Variants in MDGA2 observed in about 807,000 individuals in gnomAD.
The protein encoded by MDGA2 is MAM domain containing glycosylphosphatidylinositol anchor 2.
In MDGA2, 40 loss-of-function variants were observed where a neutral mutation model predicts 117.8. That is an observed-to-expected ratio of 0.34 (90% CI 0.26 to 0.44). The LOEUF (loss-of-function observed/expected upper bound fraction) is 0.44, where lower values mean the gene tolerates loss of function less well. Ranked by LOEUF, MDGA2 falls within the 20% of genes least tolerant of loss-of-function variation. The probability of loss-of-function intolerance (pLI) is 1.00; values close to 1 mark genes in which losing one functional copy is unlikely to be tolerated. For missense variants in MDGA2, 1,123 were observed against 1,250.6 expected, an observed-to-expected ratio of 0.90 and a Z score of 1.54; for synonymous variants, 452 against 439.0, an observed-to-expected ratio of 1.03 and a Z score of -0.37.
At chr14:47,094,922 A>C (rs1454235477) in intron 6 of MDGA2, among the ~76,000 whole-genome samples, 2 of 152,048 alleles carry the variant, frequency 1.3e-5, no homozygotes, top group Non-Finnish European at 2.9e-5. Flanking sequence ...AATGAGCCCC[A>C]TTTCTCAATA....
intron 2 of MDGA2, among the ~76,000 whole-genome samples, chr14:47,218,939 C>T (rs1396617487): frequency 2.0e-5 from 3 of 152,038 alleles, no homozygotes; most frequent in Non-Finnish European, 4.4e-5. Context: ...CAACAGACTT[C>T]GTTTTTGCTG....
chr14:47,504,918 G>T (rs536705373), intron 1 of MDGA2, among the ~76,000 whole-genome samples: 1 of 152,190 alleles, frequency 6.6e-6, no homozygotes, highest in South Asian at 2.1e-4. Context: ...AGTATTATTT[G>T]TAATAGCCAA....
intron 1 of MDGA2, among the ~76,000 whole-genome samples, chr14:47,561,158 G>GTTTTTTTTTTTTTTTTTTTTTT (rs200625450): frequency 1.8e-5 from 1 of 55,072 alleles, no homozygotes. Context: ...TTTTTGTTTT[G>GTTTTTTTTTTTTTTTTTTTTTT]TTTTGTTTTT....
chr14:47,368,841 G>A (rs1891285956), intron 1 of MDGA2, among the ~76,000 whole-genome samples: 1 of 152,020 alleles, frequency 6.6e-6, no homozygotes, highest in Admixed American at 6.6e-5. Flanking sequence ...CTTGCTTTCT[G>A]ACTTTAAAAA....
chr14:47,491,686 T>C (rs903920032), intron 1 of MDGA2, among the ~76,000 whole-genome samples: 20 of 152,218 alleles, frequency 1.3e-4, no homozygotes, highest in Middle Eastern at 3.4e-3. Context: ...AATAATTATC[T>C]TTTTTTCTCC....
chr14:47,025,134 G>A (rs1172148726), intron 8 of MDGA2, among the ~76,000 whole-genome samples: 4 of 152,114 alleles, frequency 2.6e-5, no homozygotes, highest in Admixed American at 2.6e-4. Context: ...AAGAGTAAAA[G>A]AATTGCTAAG....
In MDGA2 at chr14:47,638,803, C is replaced by T. The variant is rs78005879; in HGVS notation, c.280+35714G>A. On this transcript the variant is annotated intron_variant, in intron 1 of 16. Coordinates refer to ENST00000399232, the MANE Select transcript of MDGA2 (RefSeq NM_001113498.3). ...ATGCACCAAAGCGATCCCTTTAAAA[C>T]CTGTGATAGATTATTTCACATCACC... Among the ~76,000 whole-genome samples, 275 of 152,282 alleles carry T rather than the reference C, an allele frequency of 1.8e-3. 1 individual carries two copies. Among genetic ancestry groups the T allele is most frequent in the African/African-American group, 6.3e-3 (260 of 41,574 alleles).
chr14:47,549,343 A>ATC (rs3039661), intron 1 of MDGA2, among the ~76,000 whole-genome samples: 34,277 of 140,128 alleles, frequency 0.24, 4,446 homozygotes, highest in South Asian at 0.44. Context: ...CACCAGTATT[A>ATC]TCTCTCTCTC....
intron 2 of MDGA2, among the ~76,000 whole-genome samples, chr14:47,298,643 T>C (rs1889159102): frequency 6.6e-6 from 1 of 151,754 alleles, no homozygotes; most frequent in Non-Finnish European, 1.5e-5. Context: ...CAGCTTTCCT[T>C]ATACAGTTTG....
intron 1 of MDGA2, among the ~76,000 whole-genome samples, chr14:47,369,307 T>A (rs542827130): frequency 6.6e-6 from 1 of 152,226 alleles, no homozygotes; most frequent in African/African-American, 2.4e-5. Flanking sequence ...TTTTTAGAAC[T>A]TTAGGAACAA....
At chr14:47,484,979 T>C (rs553194763) in intron 1 of MDGA2, among the ~76,000 whole-genome samples, 1 of 152,214 alleles carries the variant, frequency 6.6e-6, no homozygotes, top group African/African-American at 2.4e-5. Flanking sequence ...ATCAGCAGCA[T>C]GAAAACAGAC....
intron 1 of MDGA2, among the ~76,000 whole-genome samples, chr14:47,587,096 G>A (rs1896339605): frequency 6.6e-6 from 1 of 151,780 alleles, no homozygotes; most frequent in African/African-American, 2.4e-5. Context: ...ACTTACAAAT[G>A]GAAGCTAAAT....
At chr14:47,179,777 C>A (rs1441300567) in intron 3 of MDGA2, among the ~76,000 whole-genome samples, 1 of 152,000 alleles carries the variant, frequency 6.6e-6, no homozygotes, top group Non-Finnish European at 1.5e-5. Context: ...TTTCTTCTCA[C>A]CAAAATATTC....
chr14:47,533,195 G>A (rs1895135785), intron 1 of MDGA2, among the ~76,000 whole-genome samples: 1 of 152,190 alleles, frequency 6.6e-6, no homozygotes, highest in South Asian at 2.1e-4. Context: ...GTGGCAGGAT[G>A]AATCCTTCAA....
chr14:47,043,800 C>A (rs1245923094), intron 7 of MDGA2, among the ~76,000 whole-genome samples: 2 of 152,078 alleles, frequency 1.3e-5, no homozygotes. Context: ...CCTCACCTTC[C>A]TTCCTTTCTT....
At chr14:46,943,689 C>A (rs1190870282) in intron 9 of MDGA2, among the ~76,000 whole-genome samples, 4 of 151,984 alleles carry the variant, frequency 2.6e-5, no homozygotes, top group South Asian at 2.1e-4. Flanking sequence ...AAATTAATTC[C>A]ATCGCTTGTG....
At chr14:47,065,069 T>C (rs1890033208) in intron 6 of MDGA2, among the ~76,000 whole-genome samples, 1 of 152,276 alleles carries the variant, frequency 6.6e-6, no homozygotes, top group African/African-American at 2.4e-5. Context: ...TTTGGCTTAA[T>C]GTATCATAAA....
At chr14:47,636,440 G>A (rs1205698410) in intron 1 of MDGA2, among the ~76,000 whole-genome samples, 2 of 152,048 alleles carry the variant, frequency 1.3e-5, no homozygotes, top group Non-Finnish European at 2.9e-5. Flanking sequence ...TGTAGCTACA[G>A]AAAGCTACAT....
At chr14:47,124,236 T>A (rs964745354) in intron 5 of MDGA2, among the ~76,000 whole-genome samples, 1 of 152,122 alleles carries the variant, frequency 6.6e-6, no homozygotes, top group Non-Finnish European at 1.5e-5. Flanking sequence ...CCAAGAATAA[T>A]GCACAAGTTC....
Sources: allele counts gnomAD v4.1 joint callset (sites outside exome capture counted in the v4.1 genomes callset), GRCh38; gene constraint gnomAD v4.1.1; transcripts MANE v1.5; gene names NCBI Gene and HGNC (gene_info 2026-07-23, HGNC 2026-07-21).